OARD1: variants seen among roughly 807,000 people sequenced by gnomAD.
The protein encoded by OARD1 is O-acyl-ADP-ribose deacylase 1, also known as ADP-ribose glycohydrolase OARD1.
OARD1 carries 19 observed loss-of-function variants against 19.7 expected under a neutral mutation model. The ratio of observed to expected loss-of-function variants is 0.96; its 90% confidence interval spans 0.67 to 1.41. The LOEUF (loss-of-function observed/expected upper bound fraction) is 1.41. Ranked by LOEUF, OARD1 falls within the 40% of genes most tolerant of loss-of-function variation. The pLI, the probability that OARD1 is intolerant of heterozygous loss-of-function variation, is 0.00. For synonymous variants in OARD1, 70 were observed against 61.8 expected, an observed-to-expected ratio of 1.13 and a Z score of -0.62; for missense variants, 190 against 183.8, an observed-to-expected ratio of 1.03 and a Z score of -0.20.
At chr6:41,093,123 T>G in intron 1 of OARD1, 15 of 1,547,104 alleles carry the variant, frequency 9.7e-6, no homozygotes, top group Non-Finnish European at 1.2e-5. Flanking sequence ...GAAAGGAGAA[T>G]AGCAGGGTTC....
In OARD1 at chr6:41,093,858, G is replaced by T. The variant is rs542217534; in HGVS notation, c.-42+3855C>A. 2.0e-5 allele frequency among the ~76,000 whole-genome samples: 3 copies of T among 152,308 alleles called. No homozygotes were observed. The South Asian group carries it at 6.2e-4, about 32-fold the overall frequency. On this transcript the variant is annotated intron_variant, in intron 1 of 4. Coordinates refer to the OARD1 transcript ENST00000480585. ...GTTACCTGATCACACCTAACATGCA[G>T]ATAAGGCTAGGAAAGTCCAGCCTGG...
At chr6:41,096,483 C>A (rs1355277597) in intron 1 of OARD1, among the ~76,000 whole-genome samples, 1 of 152,194 alleles carries the variant, frequency 6.6e-6, no homozygotes, top group Non-Finnish European at 1.5e-5. Flanking sequence ...TACTTCACAG[C>A]AATGTTGTAG....
upstream of OARD1, among the ~76,000 whole-genome samples, chr6:41,073,462 C>G (rs1308107096): frequency 6.6e-6 from 1 of 152,064 alleles, no homozygotes; most frequent in Non-Finnish European, 1.5e-5. Context: ...CGCCCTGGGC[C>G]TCGGCGATTT....
chr6:41,095,382 T>C (rs575233298), intron 1 of OARD1, among the ~76,000 whole-genome samples: 17 of 152,336 alleles, frequency 1.1e-4, no homozygotes, highest in African/African-American at 3.6e-4. Flanking sequence ...TTCATGCATG[T>C]CTATCTCCCT....
intron 1 of OARD1, among the ~76,000 whole-genome samples, chr6:41,082,478 T>C (rs1167725825): frequency 6.6e-6 from 1 of 152,232 alleles, no homozygotes; most frequent in Non-Finnish European, 1.5e-5. Context: ...GTGAGCTCTT[T>C]GGAGTCTCAA....
chr6:41,084,042 C>T (rs1318110201), intron 1 of OARD1: 1 of 1,586,794 alleles, frequency 6.3e-7, no homozygotes, highest in Non-Finnish European at 8.6e-7. Context: ...TTATTTCATT[C>T]TAGGTCCAAG....
Position 41,067,230 on chromosome 6 carries a change from T to A in OARD1, c.*105A>T, listed in dbSNP as rs1763057270. 1 of 626,532 alleles carries A rather than the reference T, an allele frequency of 1.6e-6. No homozygotes were observed. Among genetic ancestry groups the A allele is most frequent in the East Asian group, 2.8e-5 (1 of 35,780 alleles). 38.8% of individuals were successfully genotyped at this position (626,532 alleles called of 1,614,324 possible). A position where few individuals can be genotyped will look rare whatever the true frequency, so the allele number is the denominator to read the frequency against. On this transcript the variant is annotated 3_prime_UTR_variant, in exon 6 of 6. Transcript: ENST00000424266. ...AGTCTGTCTTGTTAAACACACTACTTCTCATGAAACTTTCCTCTGCCTATT... is the reference window on the plus strand; with the variant it reads ...AGTCTGTCTTGTTAAACACACTACTACTCATGAAACTTTCCTCTGCCTATT...
chr6:41,096,640 A>T (rs918940683), intron 1 of OARD1, among the ~76,000 whole-genome samples: 2 of 152,188 alleles, frequency 1.3e-5, no homozygotes, highest in Admixed American at 6.5e-5. Context: ...TTTTTCTCAG[A>T]TCCTGCCTAC....
intron 3 of OARD1, 57 bp from the exon 4 acceptor site, chr6:41,070,191 A>G: frequency 1.1e-6 from 1 of 920,176 alleles, no homozygotes; most frequent in Non-Finnish European, 1.8e-6. Flanking sequence ...ACTGATCTCT[A>G]AAGATTTTAA....
At chr6:41,069,024 A>C in intron 4 of OARD1, 71 bp from the exon 5 acceptor site, 1 of 754,402 alleles carries the variant, frequency 1.3e-6, no homozygotes. Flanking sequence ...CATTCCCCCA[A>C]CATCCCAATA....
At chr6:41,072,765 G>A (rs1561846667), upstream of OARD1, among the ~76,000 whole-genome samples, 1 of 152,218 alleles carries the variant, frequency 6.6e-6, no homozygotes, top group Admixed American at 6.5e-5. Flanking sequence ...GAAGGGTCTG[G>A]CGCGTCTGGA....
intron 2 of OARD1, 111 bp downstream of exon 2, chr6:41,071,485 T>C: frequency 1.8e-6 from 2 of 1,118,934 alleles, no homozygotes; most frequent in South Asian, 2.6e-5. Context: ...GTAAATCAGC[T>C]AGAGAGAAAA....
At chr6:41,077,704 C>G (rs1763779436) in intron 1 of OARD1, among the ~76,000 whole-genome samples, 1 of 152,086 alleles carries the variant, frequency 6.6e-6, no homozygotes. Flanking sequence ...AATCAGAAAA[C>G]CGGTTTGTCA....
At chr6:41,097,494 T>G in intron 1 of OARD1, 1 of 1,416,112 alleles carries the variant, frequency 7.1e-7, no homozygotes. Context: ...GGGACATTGA[T>G]GATCACATTC....
In OARD1 at chr6:41,088,869, T is replaced by C. The variant is rs1582031736; in HGVS notation, c.-42+8844A>G. Among the ~76,000 whole-genome samples, 2 of 152,108 alleles carry C rather than the reference T, an allele frequency of 1.3e-5. 1 individual carries two copies. The highest frequency in any genetic ancestry group is 3.9e-4 in the East Asian group (2 of 5,164). ...GTGCTGGGATTATGGGCATAAGCCA[T>C]TGTACCCGGCTTTCAGCATTTTTAA... On this transcript the variant is annotated intron_variant, in intron 1 of 4. Transcript: ENST00000480585.
intron 1 of OARD1, chr6:41,078,891 TACTG>T (rs1763827771): frequency 2.9e-5 from 15 of 511,776 alleles, no homozygotes; most frequent in Middle Eastern, 7.4e-4. Context: ...TTAAAAATGA[TACTG>T]AATATAAGCA....
intron 5 of OARD1, among the ~76,000 whole-genome samples, chr6:41,068,050 G>A (rs937062709): frequency 1.3e-5 from 2 of 152,042 alleles, no homozygotes; most frequent in African/African-American, 4.8e-5. Context: ...GTAATTTCAT[G>A]TCATAATGTG....
intron 1 of OARD1, among the ~76,000 whole-genome samples, chr6:41,095,040 A>G (rs571575073): frequency 6.6e-5 from 10 of 152,240 alleles, no homozygotes; most frequent in African/African-American, 2.2e-4. Flanking sequence ...TAGATTTATA[A>G]AATAGCTGCT....
intron 1 of OARD1, among the ~76,000 whole-genome samples, chr6:41,084,450 T>C: frequency 1.3e-5 from 2 of 152,330 alleles, no homozygotes; most frequent in South Asian, 4.1e-4. Context: ...GAATCTAGTT[T>C]ATAGTATATT....
Sources: gnomAD v4.1 joint callset for allele counts (sites outside exome capture counted in the v4.1 genomes callset) on GRCh38, gnomAD v4.1.1 for gene constraint, MANE v1.5 for transcripts, NCBI Gene and HGNC (gene_info 2026-07-23, HGNC 2026-07-21) for gene names.